The following NKAPD1 variants were observed in gnomAD, a reference collection of about 807,000 sequenced individuals.
NKAPD1 encodes NKAP domain containing 1.
Under a neutral mutation model 30.9 loss-of-function variants are expected in NKAPD1, and 12 were observed. The observed-to-expected ratio is 0.39, with a 90% CI of 0.25 to 0.63. The LOEUF (loss-of-function observed/expected upper bound fraction) is 0.63, where lower values mean the gene tolerates loss of function less well. Ranked by LOEUF, NKAPD1 falls within the 20% of genes least tolerant of loss-of-function variation. The pLI is 0.51. For missense variants in NKAPD1, 311 were observed against 344.5 expected, an observed-to-expected ratio of 0.90 and a Z score of 0.77; for synonymous variants, 91 against 113.6, an observed-to-expected ratio of 0.80 and a Z score of 1.26.
At chr11:112,080,062 G>A (rs371356458) in intron 3 of NKAPD1, among the ~76,000 whole-genome samples, 1 of 151,780 alleles carries the variant, frequency 6.6e-6, no homozygotes, top group Non-Finnish European at 1.5e-5. Flanking sequence ...TGATCCACTC[G>A]CCCCGGCCTC....
rs1865425987 is a variant in NKAPD1, at chr11:112,080,529, C to G, written c.291C>G (p.Phe97Leu). ...FLKAKSWNKKFYDYEANMPDR... is the reference protein window; with the variant it reads ...FLKAKSWNKKLYDYEANMPDR... ...AGGCTAAATCCTGGAATAAAAAGTTCTATGATTATGAAGCAAACATGCCAG... is the reference window on the plus strand; with the variant it reads ...AGGCTAAATCCTGGAATAAAAAGTTGTATGATTATGAAGCAAACATGCCAG... Residue 97 changes from phenylalanine (F) to leucine (L), a missense_variant, in exon 4 of 6, where the codon TTC (phenylalanine) becomes TTG (leucine). Phe to Leu is a conservative substitution (Grantham distance 22). Transcript: ENST00000393047. 1 of 1,613,888 alleles carries G rather than the reference C, an allele frequency of 6.2e-7. No homozygotes were observed. Among genetic ancestry groups the G allele is most frequent in the Non-Finnish European group, 8.5e-7 (1 of 1,179,982 alleles).
rs1865488320 is a variant in NKAPD1 at position 112,082,850 on chromosome 11, AAG to A, written c.768_769del (p.Lys258SerfsTer9). 8 of 1,613,984 alleles carry A rather than the reference AAG, an allele frequency of 5.0e-6. No homozygotes were observed. The highest frequency in any genetic ancestry group is 1.7e-5 in the Admixed American group (1 of 59,970). ...ERDTKKTKRK[K>X]REKKAHTSVA... The stretch of plus-strand genomic sequence containing the variant: ...AGACACTAAGAAAACCAAAAGGAAA[AAG>A]AGAGAGAAAAAAGCCCATACCTCTG... On this transcript the variant is annotated frameshift_variant, in exon 6 of 6. Transcript: ENST00000393047. LOFTEE classifies it high-confidence loss of function.
At chr11:112,082,138 T>C (rs1865466682) in intron 5 of NKAPD1, 103 bp downstream of exon 5, 2 of 990,930 alleles carry the variant, frequency 2.0e-6, no homozygotes, top group Non-Finnish European at 3.0e-6. Context: ...ATCAAAAATG[T>C]AGCTAGAGAA....
chr11:112,082,541 C>G lies in NKAPD1; in HGVS notation c.451C>G (p.His151Asp). 6.2e-7 allele frequency: 1 copy of G among 1,610,830 alleles called. No homozygotes were observed. The highest frequency in any genetic ancestry group is 1.3e-5 in the African/African-American group (1 of 74,252). The change falls in exon 6 of 6, where the codon CAC becomes GAC. Residue 151 changes from histidine to aspartate, a missense_variant. His to Asp is a moderately conservative substitution (Grantham distance 81). Transcript: ENST00000393047. ...GTCATCTACCCATGAATCCCGCAAA[C>G]ACAAGAAGTCAAAGAAATCCCACAA... ...VKSSTHESRK[H>D]KKSKKSHKKK... is the part of the protein sequence containing the mutation.
Position 112,083,023 on chromosome 11 carries a change from C to A in NKAPD1, c.*51C>A. ...TGACTGTGGATATTTACAGTTCTTA[C>A]TCCTTGTGGTTTTGCCAGTGACTCT... On this transcript the variant is annotated 3_prime_UTR_variant, in exon 6 of 6. Transcript: ENST00000393047. 1.3e-6 allele frequency: 2 copies of A among 1,532,056 alleles called. No homozygotes were observed. The highest frequency in any genetic ancestry group is 2.7e-5 in the South Asian group (2 of 74,682). 94.9% of individuals were successfully genotyped at this position (1,532,056 alleles called of 1,614,324 possible).
At chr11:112,078,159 T>C in intron 2 of NKAPD1, 56 bp from the exon 3 acceptor site, 1 of 1,356,614 alleles carries the variant, frequency 7.4e-7, no homozygotes, top group Non-Finnish European at 1.0e-6. Context: ...GTTACTTTTC[T>C]GTAATGTAAA....
Position 112,075,784 on chromosome 11 carries a change from AATG to A in NKAPD1, c.69+146_69+148del. The A allele has an allele frequency of 4.0e-6, 3 of 753,298 alleles. No homozygotes were observed. The South Asian group carries it at 5.1e-5, about 13-fold the overall frequency. 46.7% of individuals were successfully genotyped at this position (753,298 alleles called of 1,614,324 possible). A position where few individuals can be genotyped will look rare whatever the true frequency, so the allele number is the denominator to read the frequency against. Reference sequence around the variant, plus strand: ...AGCTTCCGTACACAGTAGGAAATAAAATGATGAATAAAATAGATAATTATAATA... The same window carrying A: ...AGCTTCCGTACACAGTAGGAAATAAAATGAATAAAATAGATAATTATAATA... On this transcript the variant is annotated intron_variant, in intron 2 of 5. Coordinates refer to ENST00000393047, the MANE Select transcript of NKAPD1 (RefSeq NM_018195.4).
intron 2 of NKAPD1, among the ~76,000 whole-genome samples, chr11:112,077,208 A>G (rs1043088415): frequency 3.3e-5 from 5 of 152,236 alleles, no homozygotes; most frequent in Non-Finnish European, 5.9e-5. Flanking sequence ...CGAGCTGCCT[A>G]TGCAATTATG....
At chr11:112,079,733 A>C (rs190575118) in intron 3 of NKAPD1, among the ~76,000 whole-genome samples, 34 of 152,238 alleles carry the variant, frequency 2.2e-4, no homozygotes, top group African/African-American at 7.9e-4. Flanking sequence ...GAACTATCAC[A>C]TGACATAGTC....
chr11:112,079,486 T>C (rs886635774), intron 3 of NKAPD1, among the ~76,000 whole-genome samples: 12 of 152,152 alleles, frequency 7.9e-5, no homozygotes, highest in African/African-American at 2.7e-4. Flanking sequence ...GCTTACTGGC[T>C]AGTTAGTAGA....
chr11:112,075,853 G>C (rs536285187), intron 2 of NKAPD1, among the ~76,000 whole-genome samples: 1 of 152,322 alleles, frequency 6.6e-6, no homozygotes, highest in South Asian at 2.1e-4. Context: ...TTTGCAAAGT[G>C]CTTTGGAGCA....
intron 3 of NKAPD1, among the ~76,000 whole-genome samples, chr11:112,078,846 G>A (rs1030216731): frequency 2.0e-5 from 3 of 152,042 alleles, no homozygotes; most frequent in African/African-American, 7.2e-5. Context: ...CACTTGCCTG[G>A]CCTCAGACTT....
intron 4 of NKAPD1, 88 bp downstream of exon 4, chr11:112,080,646 CA>C (rs1865429046): frequency 3.4e-6 from 5 of 1,459,176 alleles, no homozygotes; most frequent in Non-Finnish European, 4.6e-6. Flanking sequence ...AACTTGTGTA[CA>C]AAAGTTCATA....
At chr11:112,079,853 C>T (rs1016486859) in intron 3 of NKAPD1, among the ~76,000 whole-genome samples, 4 of 151,686 alleles carry the variant, frequency 2.6e-5, no homozygotes, top group Non-Finnish European at 5.9e-5. Context: ...ACTCTGTTGC[C>T]CAGGCTGGAG....
At position 112,075,583 on chromosome 11, in the gene NKAPD1, G is replaced by T. The variant is rs771214477; in HGVS notation, c.9G>T (p.Arg3=). The change falls in exon 2 of 6, where the codon CGG becomes CGT. Residue 3 remains arginine (R), a synonymous_variant. Transcript: ENST00000393047. ...TCATTTCAGATTGAAGAATGTCCCG[G>T]ATTCCACTGGGGAAGGTCCTCCTGA... MS[R]IPLGKVLLRN... 8.7e-6 allele frequency: 14 copies of T among 1,607,750 alleles called. No individual in the cohort carries two copies. The East Asian group carries it at 3.1e-4, about 36-fold the overall frequency.
chr11:112,083,878 A>T lies in NKAPD1; in HGVS notation c.*906A>T, dbSNP rs1437352877. Reference sequence around the variant, plus strand: ...CTGAAACTAAGTTGAATTATTTCCAAAATGAAACAGGCTTCTCAGGGACAT... The same window carrying T: ...CTGAAACTAAGTTGAATTATTTCCATAATGAAACAGGCTTCTCAGGGACAT... On this transcript the variant is annotated 3_prime_UTR_variant, in exon 6 of 6. Coordinates refer to ENST00000393047, the MANE Select transcript of NKAPD1 (RefSeq NM_018195.4). The T allele has an allele frequency of 3.3e-5, 5 of 152,714 alleles. No homozygotes were observed. Among genetic ancestry groups the T allele is most frequent in the Admixed American group, 6.5e-5 (1 of 15,294 alleles). 9.5% of individuals were successfully genotyped at this position (152,714 alleles called of 1,614,324 possible).
At chr11:112,079,576 C>T (rs1309543150) in intron 3 of NKAPD1, among the ~76,000 whole-genome samples, 2 of 152,158 alleles carry the variant, frequency 1.3e-5, no homozygotes, top group Non-Finnish European at 2.9e-5. Context: ...CTTGTTCCCA[C>T]TGTTATTGGG....
chr11:112,080,703 C>A, intron 4 of NKAPD1, 145 bp downstream of exon 4: 2 of 812,248 alleles, frequency 2.5e-6, no homozygotes, highest in Non-Finnish European at 3.8e-6. Context: ...CCAAGTAATC[C>A]AAATGTCTGT....
chr11:112,075,143 C>T (rs1865288781), intron 1 of NKAPD1, among the ~76,000 whole-genome samples: 1 of 152,170 alleles, frequency 6.6e-6, no homozygotes, highest in African/African-American at 2.4e-5. Flanking sequence ...TCAGTGCAAA[C>T]TATATTGGGA....
Sources: allele counts gnomAD v4.1 joint callset (sites outside exome capture counted in the v4.1 genomes callset), GRCh38; gene constraint gnomAD v4.1.1; transcripts MANE v1.5; gene names NCBI Gene and HGNC (gene_info 2026-07-23, HGNC 2026-07-21).